The following CCDC68 variants were observed in gnomAD, a reference collection of about 807,000 sequenced individuals.
CCDC68 encodes the protein coiled-coil domain containing 68.
In CCDC68, 45 loss-of-function variants were observed where a neutral mutation model predicts 47.1. The ratio of observed to expected loss-of-function variants is 0.96; its 90% CI spans 0.75 to 1.23. The LOEUF (loss-of-function observed/expected upper bound fraction) is 1.23. Among genes scored for constraint, CCDC68 ranks in the 50% most tolerant of loss-of-function variants. CCDC68 has a pLI of 0.00. For missense variants in CCDC68, 353 were observed against 373.6 expected (o/e 0.94, Z 0.45); for synonymous variants, 131 against 129.5 (o/e 1.01, Z -0.08).
intron 1 of CCDC68, among the ~76,000 whole-genome samples, chr18:54,945,870 A>C (rs1299688673): frequency 2.0e-5 from 3 of 152,154 alleles, no homozygotes; most frequent in Non-Finnish European, 4.4e-5. Flanking sequence ...AGTAAGAGAA[A>C]CACCCATAGA....
chr18:54,956,478 A>G lies in CCDC68; in HGVS notation c.-103+2858T>C, dbSNP rs146239730. ...TTATGCTACCATAGAAGCTGCACCA[A>G]TGTATCTGTTTTACCATGCAAAAGT... is the stretch of plus-strand genomic sequence containing the variant. On this transcript the variant is annotated intron_variant, in intron 1 of 11. Transcript: ENST00000591504. Among the ~76,000 whole-genome samples, 483 of 152,334 alleles carry G rather than the reference A, an allele frequency of 3.2e-3. 4 individuals are homozygous for G. Among genetic ancestry groups the G allele is most frequent in the African/African-American group, 0.011 (437 of 41,578 alleles).
At chr18:54,945,859 A>C (rs76275213) in intron 1 of CCDC68, among the ~76,000 whole-genome samples, 6,150 of 152,244 alleles carry the variant, frequency 0.04, 165 homozygotes, top group Middle Eastern at 0.065. Flanking sequence ...TAAATGCTTG[A>C]AGTAAGAGAA....
intron 10 of CCDC68, among the ~76,000 whole-genome samples, chr18:54,914,598 C>T (rs2043913478): frequency 6.6e-6 from 1 of 151,970 alleles, no homozygotes; most frequent in Non-Finnish European, 1.5e-5. Flanking sequence ...TGCACTCCAG[C>T]CTGGGTGACA....
At position 54,928,895 on chromosome 18, in the gene CCDC68, A is replaced by G. The variant is rs910351580; in HGVS notation, c.601-13T>C. On this transcript the variant is annotated splice_polypyrimidine_tract_variant and intron_variant, in intron 7 of 11. Transcript: ENST00000591504. ...GTGTTCTCTTTTCCTAGGAGAAAAT[A>G]AGATACAAATTTTGCTAAACTGCAT... The G allele has an allele frequency of 6.4e-7, 1 of 1,554,006 alleles. No individual in the cohort carries two copies. The highest frequency in any genetic ancestry group is 8.9e-7 in the Non-Finnish European group (1 of 1,126,114).
Position 54,904,939 on chromosome 18 carries a change from A to G in CCDC68, c.951-524T>C, listed in dbSNP as rs566889398. ...TATTTTATTATTGTTGTTTAACAAC[A>G]TGGCCCCTCATCTCAAGCAAACCAC... On this transcript the variant is annotated intron_variant, in intron 11 of 11. Transcript: ENST00000591504. 1.5e-4 allele frequency among the ~76,000 whole-genome samples: 23 copies of G among 152,262 alleles called. No individual in the cohort carries two copies. The South Asian group carries it at 4.1e-3, about 27-fold the overall frequency.
chr18:54,947,580 A>G (rs2044547898), intron 1 of CCDC68, among the ~76,000 whole-genome samples: 1 of 152,226 alleles, frequency 6.6e-6, no homozygotes, highest in Admixed American at 6.5e-5. Context: ...TGAAAATAAC[A>G]TTAATTATTA....
At position 54,904,142 on chromosome 18, in the gene CCDC68, G is replaced by T. The variant is rs1913843978; in HGVS notation, c.*216C>A. On this transcript the variant is annotated 3_prime_UTR_variant, in exon 12 of 12. Coordinates refer to ENST00000591504, the MANE Select transcript of CCDC68 (RefSeq NM_025214.3). ...GTCTTCCATCATGAGAAGGCACCTG[G>T]TTTCTTCAACTATTTGGTAAGTTTT... The T allele has an allele frequency of 2.6e-6, 1 of 382,344 alleles. No homozygotes were observed. 23.7% of individuals were successfully genotyped at this position (382,344 alleles called of 1,614,324 possible).
chr18:54,914,787 A>C (rs1201355835), intron 10 of CCDC68, among the ~76,000 whole-genome samples: 1 of 152,178 alleles, frequency 6.6e-6, no homozygotes, highest in Non-Finnish European at 1.5e-5. Flanking sequence ...CTGTGGCATA[A>C]TTGCTGAATA....
intron 6 of CCDC68, among the ~76,000 whole-genome samples, chr18:54,936,103 A>G (rs1443258436): frequency 1.4e-5 from 2 of 146,544 alleles, no homozygotes; most frequent in Admixed American, 6.8e-5. Context: ...ATATATAACT[A>G]TATTATTTAT....
At chr18:54,957,627 A>ACACTCTCTCTCT (rs375675674) in intron 1 of CCDC68, among the ~76,000 whole-genome samples, 2 of 143,754 alleles carry the variant, frequency 1.4e-5, no homozygotes, top group African/African-American at 2.6e-5. Flanking sequence ...ACACACACAC[A>ACACTCTCTCTCT]CTCTCTCTCT....
rs950087414 is a variant in CCDC68 at position 54,959,457 on chromosome 18, G to A, written c.-224C>T. The A allele has an allele frequency of 6.6e-6, 1 of 152,018 alleles. No individual in the cohort carries two copies. Among genetic ancestry groups the A allele is most frequent in the Non-Finnish European group, 1.5e-5 (1 of 68,010 alleles). The allele number at this position is 152,018 out of a possible 1,614,324, so 9.4% of individuals were successfully genotyped here. ...GCAGCCGCCACCGCCCGCAGGCTTG[G>A]CTCCGCCCCGCGGGGCGCGCCCAGG... On this transcript the variant is annotated 5_prime_UTR_variant, in exon 1 of 12. Transcript: ENST00000591504.
intron 6 of CCDC68, 91 bp from the exon 7 acceptor site, chr18:54,935,039 A>T: frequency 2.0e-6 from 2 of 1,020,356 alleles, no homozygotes; most frequent in Non-Finnish European, 2.6e-6. Context: ...CTAATTAGCC[A>T]AAAAAATTCA....
chr18:54,918,025 A>C (rs2043986493), intron 9 of CCDC68, 29 bp from the exon 10 acceptor site: 1 of 922,242 alleles, frequency 1.1e-6, no homozygotes, highest in African/African-American at 1.7e-5. Context: ...AATAGGAAAA[A>C]CCTTGTCAGA....
At chr18:54,937,146 A>G in intron 5 of CCDC68, 188 bp from the exon 6 acceptor site, 6 of 582,202 alleles carry the variant, frequency 1.0e-5, no homozygotes, top group Non-Finnish European at 1.8e-5. Context: ...CTCCCTATTT[A>G]GAGGGGCTGT....
At chr18:54,915,151 G>A (rs1328263718) in intron 10 of CCDC68, among the ~76,000 whole-genome samples, 3 of 152,174 alleles carry the variant, frequency 2.0e-5, no homozygotes, top group African/African-American at 7.2e-5. Context: ...TATTACAGAT[G>A]TACAATAATT....
intron 1 of CCDC68, among the ~76,000 whole-genome samples, chr18:54,955,574 T>C (rs2044698513): frequency 6.6e-6 from 1 of 151,976 alleles, no homozygotes; most frequent in Non-Finnish European, 1.5e-5. Context: ...GCATTTGCCA[T>C]AATAGTTAGC....
intron 3 of CCDC68, among the ~76,000 whole-genome samples, chr18:54,941,933 T>G (rs1201872578): frequency 6.6e-6 from 1 of 152,084 alleles, no homozygotes; most frequent in Non-Finnish European, 1.5e-5. Flanking sequence ...GTAGTTGAGA[T>G]TACAGGCACC....
At chr18:54,937,670 C>A in intron 5 of CCDC68, 1 of 257,978 alleles carries the variant, frequency 3.9e-6, no homozygotes, top group Non-Finnish European at 7.5e-6. Flanking sequence ...ACTATAGACA[C>A]AATGTTATGC....
At chr18:54,908,125 G>T (rs1238597618) in intron 10 of CCDC68, among the ~76,000 whole-genome samples, 2 of 152,148 alleles carry the variant, frequency 1.3e-5, no homozygotes, top group Non-Finnish European at 2.9e-5. Flanking sequence ...AACAGCTGAA[G>T]TATCCATATT....
Sources: allele counts gnomAD v4.1 joint callset (sites outside exome capture counted in the v4.1 genomes callset), GRCh38; gene constraint gnomAD v4.1.1; transcripts MANE v1.5; gene names NCBI Gene and HGNC (gene_info 2026-07-23, HGNC 2026-07-21).